SNX10: variants seen among roughly 807,000 people sequenced by gnomAD.
SNX10 encodes the protein sorting nexin 10, also known as sorting nexin-10.
A neutral mutation model predicts 28.5 loss-of-function variants in SNX10; 25 were observed. The observed-to-expected ratio is 0.88, with a 90% CI of 0.64 to 1.22. The LOEUF is 1.22. Among genes scored for constraint, SNX10 ranks in the 50% most tolerant of loss-of-function variants. The pLI, the probability that SNX10 is intolerant of heterozygous loss-of-function variation, is 0.00. For missense variants in SNX10, 223 were observed against 242.6 expected (o/e 0.92, Z 0.54); for synonymous variants, 62 against 81.4 (o/e 0.76, Z 1.28).
chr7:26,301,693 C>A (rs917820035), intron 1 of SNX10, among the ~76,000 whole-genome samples: 1 of 152,166 alleles, frequency 6.6e-6, no homozygotes, highest in African/African-American at 2.4e-5. Context: ...CTGGGTACTT[C>A]AGTTTACATT....
chr7:26,368,223 A>C (rs1038193798), intron 5 of SNX10, among the ~76,000 whole-genome samples: 1 of 152,200 alleles, frequency 6.6e-6, no homozygotes, highest in Non-Finnish European at 1.5e-5. Context: ...AAATTATAGG[A>C]AAGATGGACA....
chr7:26,370,912 T>C (rs982188319), intron 5 of SNX10, among the ~76,000 whole-genome samples: 6 of 152,216 alleles, frequency 3.9e-5, no homozygotes, highest in African/African-American at 1.4e-4. Flanking sequence ...TATGTCAACA[T>C]CTTTGCTAAA....
chr7:26,371,329 G>A (rs556324094), intron 5 of SNX10, among the ~76,000 whole-genome samples: 2 of 152,150 alleles, frequency 1.3e-5, no homozygotes, highest in East Asian at 3.9e-4. Flanking sequence ...ATGCCCTTAA[G>A]TATATAACTG....
intron 1 of SNX10, among the ~76,000 whole-genome samples, chr7:26,295,889 C>T (rs1346423357): frequency 6.6e-6 from 1 of 152,222 alleles, no homozygotes; most frequent in Non-Finnish European, 1.5e-5. Flanking sequence ...TGCAGACATG[C>T]ATTGGTTGAG....
intron 1 of SNX10, among the ~76,000 whole-genome samples, chr7:26,321,961 C>T (rs1409822687): frequency 1.3e-5 from 2 of 152,108 alleles, no homozygotes; most frequent in Non-Finnish European, 2.9e-5. Context: ...CACAGCTTAC[C>T]TTTGTCAGCT....
chr7:26,317,083 G>A (rs73683285), intron 1 of SNX10, among the ~76,000 whole-genome samples: 3 of 152,118 alleles, frequency 2.0e-5, no homozygotes, highest in Admixed American at 2.0e-4. Context: ...TGTAATTTAC[G>A]GTTTGGTGGG....
chr7:26,313,932 G>T (rs764406474), intron 1 of SNX10, among the ~76,000 whole-genome samples: 7 of 151,896 alleles, frequency 4.6e-5, no homozygotes, highest in Non-Finnish European at 7.4e-5. Flanking sequence ...TCAGCCTCCC[G>T]AGTAGCTGGG....
At chr7:26,309,768 TGTG>T (rs1386877854) in intron 1 of SNX10, among the ~76,000 whole-genome samples, 5 of 152,066 alleles carry the variant, frequency 3.3e-5, no homozygotes, top group African/African-American at 1.2e-4. Context: ...AGGGGTACCT[TGTG>T]GTGAGGGTGA....
intron 2 of SNX10, among the ~76,000 whole-genome samples, chr7:26,358,941 G>A (rs1156256533): frequency 6.6e-6 from 1 of 151,186 alleles, no homozygotes; most frequent in Non-Finnish European, 1.5e-5. Context: ...GAGTAGCTGA[G>A]ATTACAGGCG....
At chr7:26,359,304 T>C (rs1157310530) in intron 2 of SNX10, among the ~76,000 whole-genome samples, 2 of 152,140 alleles carry the variant, frequency 1.3e-5, no homozygotes, top group African/African-American at 2.4e-5. Flanking sequence ...TGGTGTATTT[T>C]TTTGATTAAA....
chr7:26,292,313 T>G (rs937162817), intron 1 of SNX10, among the ~76,000 whole-genome samples: 8 of 151,918 alleles, frequency 5.3e-5, no homozygotes, highest in Non-Finnish European at 2.9e-5. Context: ...AGCGGGGAGA[T>G]GGAGCGCGTC....
At chr7:26,338,741 C>T (rs760390198) in intron 1 of SNX10, among the ~76,000 whole-genome samples, 6 of 152,024 alleles carry the variant, frequency 3.9e-5, no homozygotes, top group Admixed American at 2.0e-4. Context: ...CGGGTAGGAG[C>T]TTAGGAAGTA....
chr7:26,355,836 G>GA (rs1222946037), intron 2 of SNX10, among the ~76,000 whole-genome samples: 2 of 152,206 alleles, frequency 1.3e-5, no homozygotes, highest in African/African-American at 4.8e-5. Flanking sequence ...ATCTGAGTTT[G>GA]AAACTTAGCT....
intron 1 of SNX10, among the ~76,000 whole-genome samples, chr7:26,318,049 C>CTGTTGGTTTGA (rs1787160363): frequency 6.6e-6 from 1 of 152,128 alleles, no homozygotes; most frequent in African/African-American, 2.4e-5. Context: ...AAGACACATT[C>CTGTTGGTTTGA]AGAATGGAGC....
chr7:26,357,601 T>A (rs1355865564), intron 2 of SNX10, among the ~76,000 whole-genome samples: 1 of 152,164 alleles, frequency 6.6e-6, no homozygotes, highest in Non-Finnish European at 1.5e-5. Flanking sequence ...ATGTGGGGAA[T>A]GCACTGGATA....
chr7:26,303,046 A>G (rs1460392652), intron 1 of SNX10, among the ~76,000 whole-genome samples: 1 of 152,262 alleles, frequency 6.6e-6, no homozygotes, highest in Non-Finnish European at 1.5e-5. Context: ...CAGAGGTAAC[A>G]CATTGATTAA....
Position 26,341,980 on chromosome 7 carries a change from T to TTCTCTCTC in SNX10, c.-23-4430_-23-4423dup, listed in dbSNP as rs56027802. Among the ~76,000 whole-genome samples, 969 of 103,100 alleles carry TTCTCTCTC rather than the reference T, an allele frequency of 9.4e-3. 11 individuals carry two copies. The highest frequency in any genetic ancestry group is 0.021 in the African/African-American group (522 of 24,854). 67.6% of individuals were successfully genotyped at this position (103,100 alleles called of 152,430 possible). Reference sequence around the variant, plus strand: ...TCCCCTCTTTCTCTGTTTCTCTTCTTTCTCTCTCTCTCTCTCTTTCTTTCT... The same window carrying TTCTCTCTC: ...TCCCCTCTTTCTCTGTTTCTCTTCTTTCTCTCTCTCTCTCTCTCTCTCTCTTTCTTTCT... On this transcript the variant is annotated intron_variant, in intron 1 of 6. Transcript: ENST00000338523.
At chr7:26,329,194 T>C (rs1270536376) in intron 1 of SNX10, among the ~76,000 whole-genome samples, 1 of 152,190 alleles carries the variant, frequency 6.6e-6, no homozygotes, top group East Asian at 1.9e-4. Flanking sequence ...CCCACATCTC[T>C]CTTTCTGAGA....
intron 1 of SNX10, among the ~76,000 whole-genome samples, chr7:26,342,852 G>C (rs1288196223): frequency 6.6e-6 from 1 of 152,034 alleles, no homozygotes; most frequent in African/African-American, 2.4e-5. Context: ...TGTAACCCAG[G>C]CTGGAGTGCA....
Sources: allele counts gnomAD v4.1 joint callset (sites outside exome capture counted in the v4.1 genomes callset), GRCh38; gene constraint gnomAD v4.1.1; transcripts MANE v1.5; gene names NCBI Gene and HGNC (gene_info 2026-07-23, HGNC 2026-07-21).